Variants in CERCAM observed in about 807,000 individuals in gnomAD.
CERCAM encodes the protein inactive glycosyltransferase 25 family member 3.
In CERCAM, 59 loss-of-function variants were observed where a neutral mutation model predicts 66.0. The ratio of observed to expected loss-of-function variants is 0.89; its 90% confidence interval spans 0.73 to 1.11. The LOEUF (loss-of-function observed/expected upper bound fraction) is 1.11, where lower values mean the gene tolerates loss of function less well. Ranked by LOEUF, CERCAM falls within the 50% of genes most tolerant of loss-of-function variation. CERCAM has a pLI of 0.00. For missense variants in CERCAM, 840 were observed against 828.3 expected (o/e 1.01, Z -0.17); for synonymous variants, 318 against 343.6 (o/e 0.93, Z 0.83).
At chr9:128,429,343 T>C (rs990532902) in intron 8 of CERCAM, among the ~76,000 whole-genome samples, 2 of 152,170 alleles carry the variant, frequency 1.3e-5, no homozygotes, top group Admixed American at 1.3e-4. Flanking sequence ...AGCCCGTTTG[T>C]ATAAACAGCA....
chr9:128,430,909 T>A (rs1833959154), intron 8 of CERCAM: 1 of 352,788 alleles, frequency 2.8e-6, no homozygotes, highest in Admixed American at 4.5e-5. Context: ...CTTGTGAGGC[T>A]GAGGCAGGAA....
chr9:128,425,415 C>T (rs1161923933), intron 5 of CERCAM, among the ~76,000 whole-genome samples: 2 of 152,088 alleles, frequency 1.3e-5, no homozygotes, highest in Admixed American at 6.6e-5. Flanking sequence ...AGACCCTAAT[C>T]TCAAAGTCTT....
chr9:128,425,632 C>T (rs943551246), intron 5 of CERCAM, among the ~76,000 whole-genome samples: 35 of 151,898 alleles, frequency 2.3e-4, no homozygotes, highest in African/African-American at 8.5e-4. Context: ...CTGCCTCAGC[C>T]TCCCGAGTAG....
intron 9 of CERCAM, among the ~76,000 whole-genome samples, chr9:128,433,412 T>C (rs945736538): frequency 6.6e-6 from 1 of 152,022 alleles, no homozygotes; most frequent in African/African-American, 2.4e-5. Flanking sequence ...GACCATCTTT[T>C]GATGGGAACT....
Position 128,428,229 on chromosome 9 carries a change from G to A in CERCAM, c.767-73G>A, listed in dbSNP as rs377134879. On this transcript the variant is annotated intron_variant, in intron 5 of 12. Transcript: ENST00000372838. ...ACATGTTGGGTCACTGGCAGTGCTGGGCCTAGGACCTTTCAGCTGGGTTCT... is the reference window on the plus strand; with the variant it reads ...ACATGTTGGGTCACTGGCAGTGCTGAGCCTAGGACCTTTCAGCTGGGTTCT... 1.9e-6 allele frequency: 3 copies of A among 1,549,124 alleles called. No individual in the cohort carries two copies. The African/African-American group carries it at 4.1e-5, about 21-fold the overall frequency.
At chr9:128,420,332 C>G (rs1039130519), upstream of CERCAM, 1 of 152,200 alleles carries the variant, frequency 6.6e-6, no homozygotes, top group Non-Finnish European at 1.5e-5. This position sits in a 1 kb window ranked among gnomAD's most constrained non-coding sequence, Gnocchi z 5.0. Context: ...ACGCGTGGCC[C>G]GGCTGGTCTG....
chr9:128,422,838 C>T (rs1198246808), intron 1 of CERCAM, 30 bp from the exon 2 acceptor site: 3 of 1,611,288 alleles, frequency 1.9e-6, no homozygotes, highest in Non-Finnish European at 2.5e-6. Context: ...GTGGCTGTGC[C>T]CCCTCAGCCT....
chr9:128,435,959 C>T, intron 12 of CERCAM, 54 bp downstream of exon 12: 2 of 1,519,786 alleles, frequency 1.3e-6, no homozygotes, highest in Non-Finnish European at 1.8e-6. Flanking sequence ...CTTGCTCTCC[C>T]CTTTGATGGC....
At position 128,431,161 on chromosome 9, in the gene CERCAM, T is replaced by C. The variant is rs1288464854; in HGVS notation, c.1071-10T>C. The C allele has an allele frequency of 6.2e-7, 1 of 1,613,222 alleles. No homozygotes were observed. Among genetic ancestry groups the C allele is most frequent in the East Asian group, 2.2e-5 (1 of 44,892 alleles). On this transcript the variant is annotated splice_polypyrimidine_tract_variant and intron_variant, in intron 8 of 12. Coordinates refer to ENST00000372838, the MANE Select transcript of CERCAM (RefSeq NM_016174.5). ...GGCACCCCTCACCCCGCCACACCTG[T>C]GTCCCTCAGGATGCTCAACAGCAGT...
intron 3 of CERCAM, 134 bp downstream of exon 3, chr9:128,423,397 A>AG (rs1833758586): frequency 1.4e-6 from 1 of 700,378 alleles, no homozygotes; most frequent in Admixed American, 2.4e-5. Context: ...CAGGTGGATC[A>AG]CCTGAGGTCA....
At position 128,423,087 on chromosome 9, in the gene CERCAM, G is replaced by T. The variant is rs201121784; in HGVS notation, c.309-59G>T. On this transcript the variant is annotated intron_variant, in intron 2 of 12. Transcript: ENST00000372838. Reference sequence around the variant, plus strand: ...CCTCCAAGCCAGGGCTCTGTCCACTGCCCTGCAGAGAGGGAGGGGCATGTA... The same window carrying T: ...CCTCCAAGCCAGGGCTCTGTCCACTTCCCTGCAGAGAGGGAGGGGCATGTA... 1,674 of 1,611,192 alleles carry T rather than the reference G, an allele frequency of 1.0e-3. 5 individuals carry two copies. The highest frequency in any genetic ancestry group is 3.5e-3 in the Middle Eastern group (21 of 6,046).
chr9:128,428,163 C>T, intron 5 of CERCAM, 139 bp from the exon 6 acceptor site: 1 of 968,800 alleles, frequency 1.0e-6, no homozygotes, highest in Non-Finnish European at 1.5e-6. Flanking sequence ...CTTTCTCCCT[C>T]TGGTCCCACA....
intron 5 of CERCAM, 104 bp from the exon 6 acceptor site, chr9:128,428,198 A>T: frequency 7.4e-7 from 1 of 1,355,470 alleles, no homozygotes; most frequent in Non-Finnish European, 1.0e-6. Context: ...GTCCCAGAGA[A>T]GACTGACATG....
upstream of CERCAM, chr9:128,419,568 T>G (rs1261833573): frequency 1.3e-5 from 2 of 152,180 alleles, no homozygotes; most frequent in Non-Finnish European, 2.9e-5. Context: ...CCCAGATGGG[T>G]GGCGTTATCA....
At chr9:128,425,245 T>C (rs576793348) in intron 5 of CERCAM, among the ~76,000 whole-genome samples, 104 of 150,650 alleles carry the variant, frequency 6.9e-4, no homozygotes, top group African/African-American at 2.5e-3. Context: ...GTAGTAGAGA[T>C]GGGGTTTCAC....
chr9:128,429,050 GT>G lies in CERCAM; in HGVS notation c.1070+15del. On this transcript the variant is annotated intron_variant, in intron 8 of 12. Transcript: ENST00000372838. ...TGTGGATGGCTGGTGAGCCTGCCTG[GT>G]GGGGGGGGCCCTGTGCGCTTGGGGA... The G allele has an allele frequency of 1.9e-6, 3 of 1,577,132 alleles. No individual in the cohort carries two copies. The highest frequency in any genetic ancestry group is 1.3e-5 in the African/African-American group (1 of 74,536).
Position 128,428,818 on chromosome 9 carries a change from G to T in CERCAM, c.948G>T (p.Lys316Asn). The change falls in exon 7 of 13, where the codon AAG becomes AAT. Residue 316 changes from lysine (K) to asparagine (N), a missense_variant. Coordinates refer to ENST00000372838, the MANE Select transcript of CERCAM (RefSeq NM_016174.5). ...HVTRPSKRPSKIGFDEVFVIS... is the reference protein window; with the variant it reads ...HVTRPSKRPSNIGFDEVFVIS... ...CTCGGCCCTCTAAGAGGCCCAGCAAGATAGGGTTTGACGAGGTAAGTCCCC... is the reference window on the plus strand; with the variant it reads ...CTCGGCCCTCTAAGAGGCCCAGCAATATAGGGTTTGACGAGGTAAGTCCCC... 1.2e-6 allele frequency: 2 copies of T among 1,614,044 alleles called. No homozygotes were observed. Among genetic ancestry groups the T allele is most frequent in the Non-Finnish European group, 8.5e-7 (1 of 1,180,010 alleles).
intron 9 of CERCAM, chr9:128,431,546 A>C (rs1019067093): frequency 2.0e-6 from 1 of 512,232 alleles, no homozygotes; most frequent in African/African-American, 1.9e-5. Flanking sequence ...AACACAGAGG[A>C]GGACAGGAAC....
chr9:128,436,066 G>T (rs556983445), intron 12 of CERCAM, among the ~76,000 whole-genome samples, 161 bp downstream of exon 12: 44 of 151,870 alleles, frequency 2.9e-4, no homozygotes, highest in Middle Eastern at 3.4e-3. Context: ...TTGTTTGTTT[G>T]TTTTTTTTAG....
Sources: gnomAD v4.1 joint callset for allele counts (sites outside exome capture counted in the v4.1 genomes callset) on GRCh38, gnomAD v4.1.1 for gene constraint, Gnocchi (gnomAD v3.1) non-coding constraint, MANE v1.5 for transcripts, NCBI Gene and HGNC (gene_info 2026-07-23, HGNC 2026-07-21) for gene names.